THADA: variants seen among roughly 807,000 people sequenced by gnomAD.
THADA encodes the protein tRNA (32-2'-O)-methyltransferase regulator THADA.
A neutral mutation model predicts 219.8 loss-of-function variants in THADA; 213 were observed. The observed-to-expected ratio is 0.97, with a 90% CI of 0.87 to 1.09. The LOEUF is 1.09. Ranked by LOEUF, THADA falls within the 50% of genes least tolerant of loss-of-function variation. THADA has a pLI of 0.00. For missense variants in THADA, 2,956 were observed against 2,311.3 expected (o/e 1.28, Z -5.72); for synonymous variants, 1,018 against 828.9 (o/e 1.23, Z -3.92).
chr2:43,577,750 C>G (rs1700010161), intron 9 of THADA, among the ~76,000 whole-genome samples: 1 of 151,518 alleles, frequency 6.6e-6, no homozygotes, highest in Non-Finnish European at 1.5e-5. Flanking sequence ...CTGTAAGAAG[C>G]AAATTTACTG....
intron 26 of THADA, among the ~76,000 whole-genome samples, chr2:43,456,077 T>C (rs1009681136): frequency 1.3e-5 from 2 of 152,212 alleles, no homozygotes; most frequent in African/African-American, 4.8e-5. Flanking sequence ...TTTGGTAAAA[T>C]GTTTTACCTA....
chr2:43,316,661 C>T (rs952860527), intron 31 of THADA, among the ~76,000 whole-genome samples: 2 of 152,170 alleles, frequency 1.3e-5, no homozygotes, highest in African/African-American at 2.4e-5. Context: ...GGCACGGTGG[C>T]TCACATCTGT....
At chr2:43,490,167 T>G (rs573629298) in intron 25 of THADA, among the ~76,000 whole-genome samples, 3 of 152,350 alleles carry the variant, frequency 2.0e-5, no homozygotes, top group Admixed American at 6.5e-5. Context: ...TCACTGCTAG[T>G]GTACAATTTC....
At chr2:43,315,462 C>CT (rs996019418) in intron 31 of THADA, among the ~76,000 whole-genome samples, 2 of 151,136 alleles carry the variant, frequency 1.3e-5, no homozygotes, top group Admixed American at 6.6e-5. Flanking sequence ...CTTTTTTTTT[C>CT]TTTTTTTTCT....
intron 21 of THADA, among the ~76,000 whole-genome samples, chr2:43,528,990 A>G (rs1693530360): frequency 2.0e-5 from 3 of 152,144 alleles, no homozygotes; most frequent in Admixed American, 6.5e-5. Flanking sequence ...TAGAGACATA[A>G]AATTGTTAAT....
chr2:43,555,916 G>A (rs1697287287), intron 17 of THADA, among the ~76,000 whole-genome samples: 2 of 152,096 alleles, frequency 1.3e-5, no homozygotes, highest in Non-Finnish European at 2.9e-5. Context: ...CAGACCCTAG[G>A]TTTTGGAACT....
At chr2:43,307,356 G>C (rs192932717) in intron 31 of THADA, among the ~76,000 whole-genome samples, 1 of 151,864 alleles carries the variant, frequency 6.6e-6, no homozygotes, top group Admixed American at 6.5e-5. Context: ...TCTGTATAGT[G>C]AGAGAGCTCT....
chr2:43,338,833 G>C (rs1666767053), intron 30 of THADA, among the ~76,000 whole-genome samples: 1 of 152,140 alleles, frequency 6.6e-6, no homozygotes, highest in African/African-American at 2.4e-5. Context: ...ACCTCTTTGA[G>C]ACCCCACTCT....
At chr2:43,276,947 A>G (rs1259105789) in intron 36 of THADA, among the ~76,000 whole-genome samples, 2 of 152,106 alleles carry the variant, frequency 1.3e-5, no homozygotes, top group African/African-American at 4.8e-5. Flanking sequence ...CTCCCACAGC[A>G]GCAGTCCCCA....
At chr2:43,383,754 T>C (rs1312894752) in intron 29 of THADA, among the ~76,000 whole-genome samples, 1 of 152,160 alleles carries the variant, frequency 6.6e-6, no homozygotes, top group Non-Finnish European at 1.5e-5. Context: ...TTCTCTAAAC[T>C]GTGCCTGACC....
In THADA at chr2:43,400,131, A is replaced by G. The variant is rs73923595; in HGVS notation, c.4059-1992T>C. On this transcript the variant is annotated intron_variant, in intron 28 of 37. Coordinates refer to ENST00000405975, the MANE Select transcript of THADA (RefSeq NM_022065.5). ...TTAGTTTCCAATTAGCAGTGACTGTACACTAAAGAATGCCCCTCCTTTTGC... is the reference window on the plus strand; with the variant it reads ...TTAGTTTCCAATTAGCAGTGACTGTGCACTAAAGAATGCCCCTCCTTTTGC... Among the ~76,000 whole-genome samples, 953 of 152,286 alleles carry G rather than the reference A, an allele frequency of 6.3e-3. 12 individuals carry two copies. Among genetic ancestry groups the G allele is most frequent in the African/African-American group, 0.022 (926 of 41,544 alleles).
At chr2:43,253,939 G>A (rs1431951539) in intron 36 of THADA, among the ~76,000 whole-genome samples, 1 of 151,886 alleles carries the variant, frequency 6.6e-6, no homozygotes, top group East Asian at 2.0e-4. Flanking sequence ...CCTTCCATTC[G>A]CCCTCCTTTG....
rs926287112 is a variant in THADA at position 43,365,044 on chromosome 2, G to A, written c.4228-20807C>T. ...ATGATCTCTGCTGACTGCAACCTCC[G>A]CCTCCCGAGTAGCTGGGATTACAGG... On this transcript the variant is annotated intron_variant, in intron 29 of 37. Coordinates refer to ENST00000405975, the MANE Select transcript of THADA (RefSeq NM_022065.5). Among the ~76,000 whole-genome samples the A allele has an allele frequency of 3.6e-4, 54 of 148,794 alleles. 1 individual carries two copies. Among genetic ancestry groups the A allele is most frequent in the South Asian group, 4.3e-4 (2 of 4,686 alleles).
At chr2:43,490,710 A>G (rs1573911741) in intron 25 of THADA, among the ~76,000 whole-genome samples, 2 of 152,106 alleles carry the variant, frequency 1.3e-5, no homozygotes, top group Admixed American at 1.3e-4. Flanking sequence ...CATTCACTTA[A>G]CTTTTATTAT....
Position 43,556,407 on chromosome 2 carries a change from T to C in THADA, c.2612A>G (p.Gln871Arg), listed in dbSNP as rs920443033. 1.2e-6 allele frequency: 2 copies of C among 1,613,786 alleles called. No homozygotes were observed. Among genetic ancestry groups the C allele is most frequent in the African/African-American group, 2.7e-5 (2 of 74,894 alleles). ...ATCTCCATTATCACATGCAACTTGC[T>C]GAGTTAAGTAGGCAGACAAGGATGA... ...LPSSLSAYLT[Q>R]QVACDNGDRP... The change falls in exon 17 of 38, where the codon CAG (glutamine) becomes CGG (arginine). Residue 871 changes from glutamine (Q) to arginine (R), a missense_variant. Gln to Arg is a conservative substitution (Grantham distance 43). Coordinates refer to ENST00000405975, the MANE Select transcript of THADA (RefSeq NM_022065.5).
intron 29 of THADA, among the ~76,000 whole-genome samples, chr2:43,393,707 TAA>T (rs34360060): frequency 4.9e-4 from 65 of 132,748 alleles, no homozygotes; most frequent in Admixed American, 5.4e-4. Context: ...GACTCCGTCT[TAA>T]AAAAAAAAAA....
chr2:43,342,234 T>C (rs1173250528), intron 30 of THADA, among the ~76,000 whole-genome samples: 1 of 152,044 alleles, frequency 6.6e-6, no homozygotes, highest in Non-Finnish European at 1.5e-5. Flanking sequence ...GAGAATAGAC[T>C]AACAGACTAA....
At chr2:43,585,949 T>G (rs1700977613) in intron 7 of THADA, among the ~76,000 whole-genome samples, 2 of 152,068 alleles carry the variant, frequency 1.3e-5, no homozygotes, top group South Asian at 4.1e-4. Context: ...AAAAAAAATT[T>G]TAAATAATTG....
chr2:43,457,215 G>A (rs1683123035), intron 26 of THADA, among the ~76,000 whole-genome samples: 1 of 147,810 alleles, frequency 6.8e-6, no homozygotes, highest in African/African-American at 2.5e-5. Context: ...TAAAGGAGAT[G>A]AAAATGGCGG....
Sources: gnomAD v4.1 joint callset for allele counts (sites outside exome capture counted in the v4.1 genomes callset) on GRCh38, gnomAD v4.1.1 for gene constraint, MANE v1.5 for transcripts, NCBI Gene and HGNC (gene_info 2026-07-23, HGNC 2026-07-21) for gene names.